The following GATAD2B variants were observed in gnomAD, a reference collection of about 807,000 sequenced individuals.
GATAD2B encodes transcriptional repressor p66-beta.
In GATAD2B, 8 loss-of-function variants were observed where a neutral mutation model predicts 64.3. The observed-to-expected ratio is 0.12, with a 90% confidence interval of 0.07 to 0.22. The LOEUF (loss-of-function observed/expected upper bound fraction) is 0.22, where lower values mean the gene tolerates loss of function less well. Ranked by LOEUF, GATAD2B falls within the 10% of genes least tolerant of loss-of-function variation. GATAD2B has a pLI of 1.00. For missense variants in GATAD2B, 453 were observed against 752.0 expected, an observed-to-expected ratio of 0.60 and a Z score of 4.65; for synonymous variants, 281 against 271.3, an observed-to-expected ratio of 1.04 and a Z score of -0.35.
At chr1:153,815,280 CA>C (rs1159204191) in intron 7 of GATAD2B, among the ~76,000 whole-genome samples, 23 of 66,620 alleles carry the variant, frequency 3.5e-4, no homozygotes, top group African/African-American at 3.2e-4. Flanking sequence ...CTCAAAAAAA[CA>C]AAAAAAAAAA....
At chr1:153,857,156 AT>A (rs201175917) in intron 1 of GATAD2B, among the ~76,000 whole-genome samples, 42,669 of 149,120 alleles carry the variant, frequency 0.29, 6,236 homozygotes, top group Admixed American at 0.39. Flanking sequence ...ATATATATAT[AT>A]AAATTGGCCG....
At chr1:153,862,402 C>A (rs1026286962) in intron 1 of GATAD2B, among the ~76,000 whole-genome samples, 1 of 152,056 alleles carries the variant, frequency 6.6e-6, no homozygotes, top group African/African-American at 2.4e-5. Flanking sequence ...GGATTACAGG[C>A]ATGAGCCATC....
chr1:153,899,376 G>A (rs1348246367), intron 1 of GATAD2B, among the ~76,000 whole-genome samples: 5 of 152,058 alleles, frequency 3.3e-5, no homozygotes, highest in South Asian at 2.1e-4. Flanking sequence ...CGAGACCAGC[G>A]TGGCCAACAT....
At chr1:153,810,967 G>A (rs150691930) in intron 10 of GATAD2B, among the ~76,000 whole-genome samples, 1,742 of 152,142 alleles carry the variant, frequency 0.011, 26 homozygotes, top group African/African-American at 0.04. Context: ...GTTTCATCAT[G>A]TTGGCCAGGG....
intron 1 of GATAD2B, among the ~76,000 whole-genome samples, chr1:153,908,196 A>T (rs549113931): frequency 6.6e-6 from 1 of 152,284 alleles, no homozygotes; most frequent in East Asian, 1.9e-4. Flanking sequence ...TATCTTTTTT[A>T]CAAGAATGAC....
At chr1:153,840,864 G>T (rs898188083) in intron 1 of GATAD2B, among the ~76,000 whole-genome samples, 2 of 151,962 alleles carry the variant, frequency 1.3e-5, no homozygotes, top group Admixed American at 6.6e-5. Flanking sequence ...GGTGGCTCAC[G>T]CCTGTAATCC....
At chr1:153,907,024 G>A (rs193257271) in intron 1 of GATAD2B, among the ~76,000 whole-genome samples, 52 of 152,264 alleles carry the variant, frequency 3.4e-4, no homozygotes, top group Non-Finnish European at 5.6e-4. Context: ...GGACGTGGAG[G>A]GACTGGAACC....
At chr1:153,889,892 A>G (rs965160668) in intron 1 of GATAD2B, among the ~76,000 whole-genome samples, 1 of 152,084 alleles carries the variant, frequency 6.6e-6, no homozygotes, top group African/African-American at 2.4e-5. Flanking sequence ...ATAAGAGGCC[A>G]GTGGGGCGCG....
At chr1:153,828,976 G>A (rs531918575) in intron 1 of GATAD2B, among the ~76,000 whole-genome samples, 2 of 152,234 alleles carry the variant, frequency 1.3e-5, no homozygotes, top group South Asian at 4.1e-4. Flanking sequence ...AGGCTGAGGT[G>A]GGAGGATGGC....
chr1:153,845,606 G>A (rs1345689350), intron 1 of GATAD2B, among the ~76,000 whole-genome samples: 2 of 149,036 alleles, frequency 1.3e-5, no homozygotes, highest in African/African-American at 5.0e-5. Flanking sequence ...TTAGCCAGGT[G>A]TGGTAGTGCA....
At chr1:153,841,134 AAAAAAAAG>A (rs1480813994) in intron 1 of GATAD2B, among the ~76,000 whole-genome samples, 5 of 151,572 alleles carry the variant, frequency 3.3e-5, no homozygotes, top group Admixed American at 6.6e-5. Flanking sequence ...CAAAAAAAAA[AAAAAAAAG>A]AAAAAAAGAA....
intron 2 of GATAD2B, 78 bp from the exon 3 acceptor site, chr1:153,819,813 G>C: frequency 2.2e-6 from 3 of 1,345,064 alleles, no homozygotes; most frequent in Non-Finnish European, 3.1e-6. Flanking sequence ...AAAAATCCAA[G>C]GGGGGCCGGG....
intron 7 of GATAD2B, among the ~76,000 whole-genome samples, chr1:153,815,081 C>CAAAAAAAAAAAAA (rs58874063): frequency 3.9e-4 from 10 of 25,378 alleles, no homozygotes; most frequent in Non-Finnish European, 4.9e-4. Flanking sequence ...GACTCTGTCT[C>CAAAAAAAAAAAAA]AAAAAAAAAA....
At chr1:153,855,401 G>C (rs956674576) in intron 1 of GATAD2B, among the ~76,000 whole-genome samples, 1 of 151,814 alleles carries the variant, frequency 6.6e-6, no homozygotes, top group Non-Finnish European at 1.5e-5. Context: ...GCTAATTTTT[G>C]TATTTTTAGT....
intron 7 of GATAD2B, among the ~76,000 whole-genome samples, chr1:153,814,989 A>C (rs930785461): frequency 1.6e-4 from 23 of 147,302 alleles, no homozygotes; most frequent in South Asian, 1.1e-3. Flanking sequence ...AAAAAAAAAA[A>C]AGAATTGCTT....
intron 1 of GATAD2B, among the ~76,000 whole-genome samples, chr1:153,914,421 A>G (rs918469025): frequency 2.0e-5 from 3 of 152,188 alleles, no homozygotes; most frequent in Admixed American, 2.0e-4. Flanking sequence ...TGAGGAAACT[A>G]AGGCTCAGAG....
chr1:153,856,357 G>A (rs548275335), intron 1 of GATAD2B, among the ~76,000 whole-genome samples: 1 of 152,090 alleles, frequency 6.6e-6, no homozygotes. Flanking sequence ...GTATTTAGAG[G>A]TGAAAGTCTA....
chr1:153,911,884 T>C (rs1678118256), intron 1 of GATAD2B, among the ~76,000 whole-genome samples: 1 of 152,224 alleles, frequency 6.6e-6, no homozygotes, highest in African/African-American at 2.4e-5. Flanking sequence ...TCATCAGTCC[T>C]TTTATACCCT....
chr1:153,831,449 C>T (rs142542195), intron 1 of GATAD2B, among the ~76,000 whole-genome samples: 2 of 151,976 alleles, frequency 1.3e-5, no homozygotes, highest in Non-Finnish European at 2.9e-5. Flanking sequence ...CACATGTATA[C>T]CTATGTAATA....
Sources: allele counts gnomAD v4.1 joint callset (sites outside exome capture counted in the v4.1 genomes callset), GRCh38; gene constraint gnomAD v4.1.1; transcripts MANE v1.5; gene names NCBI Gene and HGNC (gene_info 2026-07-23, HGNC 2026-07-21).